UTRN: variants seen among roughly 807,000 people sequenced by gnomAD.
UTRN encodes the protein utrophin, also known as dystrophin-related protein 1.
UTRN carries 283 observed loss-of-function variants against 463.9 expected under a neutral mutation model. That is an observed-to-expected ratio of 0.61 (90% CI 0.55 to 0.67). UTRN has a LOEUF of 0.67. Among genes scored for constraint, UTRN ranks in the 30% least tolerant of loss-of-function variants. The pLI is 0.00. For missense variants in UTRN, 3,922 were observed against 4,084.3 expected (o/e 0.96, Z 1.08); for synonymous variants, 1,442 against 1,431.5 (o/e 1.01, Z -0.17).
At chr6:144,752,347 A>G (rs919366784) in intron 56 of UTRN, among the ~76,000 whole-genome samples, 1 of 151,518 alleles carries the variant, frequency 6.6e-6, no homozygotes. Context: ...TTTTTCTTCT[A>G]ACTGGTTGCT....
intron 2 of UTRN, among the ~76,000 whole-genome samples, chr6:144,328,166 T>C (rs1776097657): frequency 6.7e-6 from 1 of 149,688 alleles, no homozygotes; most frequent in Non-Finnish European, 1.5e-5. Context: ...TGAGTCTTTC[T>C]AGAAAAAAGG....
At chr6:144,436,164 G>A in intron 10 of UTRN, 26 bp downstream of exon 10, 1 of 1,601,984 alleles carries the variant, frequency 6.2e-7, no homozygotes, top group Non-Finnish European at 8.5e-7. Flanking sequence ...TTCTTAGCAG[G>A]GTGTGTCCCC....
chr6:144,842,413 C>T lies in UTRN; in HGVS notation c.10270+1581C>T, dbSNP rs751569970. Among the ~76,000 whole-genome samples the T allele has an allele frequency of 1.2e-3, 178 of 152,090 alleles. 2 individuals are homozygous for T. The highest frequency in any genetic ancestry group is 3.1e-4 in the Non-Finnish European group (21 of 67,982). On this transcript the variant is annotated intron_variant, in intron 73 of 74. Transcript: ENST00000367545. ...TGATTAACATGGCAAAACCCTATCT[C>T]TACTAAAAATACCAAAAAAATTTTC...
chr6:144,552,517 A>G (rs917423710), intron 48 of UTRN, among the ~76,000 whole-genome samples: 3 of 152,116 alleles, frequency 2.0e-5, no homozygotes, highest in Non-Finnish European at 2.9e-5. Context: ...TTTTTGTCCA[A>G]AACTTCTTTC....
At chr6:144,545,307 C>T (rs182518064) in intron 46 of UTRN, among the ~76,000 whole-genome samples, 105 of 152,178 alleles carry the variant, frequency 6.9e-4, no homozygotes, top group Non-Finnish European at 1.2e-3. Context: ...TTCTTTTAAA[C>T]GAGTTTGATT....
At position 144,580,363 on chromosome 6, in the gene UTRN, A is replaced by G. The variant is rs58370951; in HGVS notation, c.7479+3075A>G. Among the ~76,000 whole-genome samples the G allele has an allele frequency of 2.4e-3, 365 of 152,320 alleles. 2 individuals carry two copies. Among genetic ancestry groups the G allele is most frequent in the African/African-American group, 8.2e-3 (340 of 41,560 alleles). Reference sequence around the variant, plus strand: ...CACATTCGCTGTTTATACTTGCTTCATGTCTTATGACAACCAGATCCAAGG... The same window carrying G: ...CACATTCGCTGTTTATACTTGCTTCGTGTCTTATGACAACCAGATCCAAGG... On this transcript the variant is annotated intron_variant, in intron 51 of 74. Transcript: ENST00000367545.
intron 32 of UTRN, among the ~76,000 whole-genome samples, 189 bp downstream of exon 32, chr6:144,491,291 T>G (rs919338147): frequency 2.0e-5 from 3 of 152,068 alleles, no homozygotes; most frequent in African/African-American, 7.2e-5. Context: ...TTAGAAGAGA[T>G]AAGAGAGATA....
chr6:144,850,115 T>C (rs570770490), intron 74 of UTRN, among the ~76,000 whole-genome samples: 1 of 152,284 alleles, frequency 6.6e-6, no homozygotes, highest in East Asian at 1.9e-4. Context: ...ATGTTCAAAA[T>C]GGAGAAGCAA....
In UTRN at chr6:144,806,626, A is replaced by G. The variant is rs1455987094; in HGVS notation, c.9357+3479A>G. ...ACAGAGAAAGATGCATCTCTTTACA[A>G]CTAAACTAATCAGACCTATTCCAAC... On this transcript the variant is annotated intron_variant, in intron 65 of 74. Transcript: ENST00000367545. Among the ~76,000 whole-genome samples, 2 of 102,880 alleles carry G rather than the reference A, an allele frequency of 1.9e-5. 1 individual carries two copies. The highest frequency in any genetic ancestry group is 6.6e-4 in the East Asian group (2 of 3,036). The allele number at this position is 102,880 out of a possible 152,430, so 67.5% of individuals were successfully genotyped here. A position where few individuals can be genotyped will look rare whatever the true frequency, so the allele number is the denominator to read the frequency against.
intron 2 of UTRN, among the ~76,000 whole-genome samples, chr6:144,388,229 T>A (rs1781578839): frequency 1.3e-5 from 2 of 152,196 alleles, no homozygotes; most frequent in South Asian, 2.1e-4. Flanking sequence ...TTTAATGACC[T>A]GCTTTATTAC....
In UTRN at chr6:144,460,885, G is replaced by C. The variant is rs543537341; in HGVS notation, c.2708-312G>C. ...TATTCTTTGTGTAGCTGTTAAGGAAGAGGAGATTATATGGAACAAAAGGGA... is the reference window on the plus strand; with the variant it reads ...TATTCTTTGTGTAGCTGTTAAGGAACAGGAGATTATATGGAACAAAAGGGA... On this transcript the variant is annotated intron_variant, in intron 21 of 74. Coordinates refer to ENST00000367545, the MANE Select transcript of UTRN (RefSeq NM_007124.3). Among the ~76,000 whole-genome samples the C allele has an allele frequency of 1.1e-4, 17 of 152,328 alleles. 1 individual carries two copies. In the South Asian group the frequency reaches 3.3e-3, roughly 30 times the overall value.
chr6:144,363,810 G>A (rs1364147809), intron 2 of UTRN, among the ~76,000 whole-genome samples: 1 of 152,112 alleles, frequency 6.6e-6, no homozygotes, highest in Non-Finnish European at 1.5e-5. Flanking sequence ...TGTTGGGGCT[G>A]GAGGAAAATG....
At position 144,675,513 on chromosome 6, in the gene UTRN, G is replaced by T. The variant is rs1273064312; in HGVS notation, c.7480-2893G>T. On this transcript the variant is annotated intron_variant, in intron 51 of 74. Transcript: ENST00000367545. Reference sequence around the variant, plus strand: ...TGATGTGTGGTAAGCAGTGGAATTAGCTGTTGTTTTCTCCTTCTTTGGAGC... The same window carrying T: ...TGATGTGTGGTAAGCAGTGGAATTATCTGTTGTTTTCTCCTTCTTTGGAGC... 2.0e-5 allele frequency among the ~76,000 whole-genome samples: 3 copies of T among 152,180 alleles called. No homozygotes were observed. The East Asian group carries it at 5.8e-4, about 29-fold the overall frequency.
In UTRN at chr6:144,478,564, G is replaced by T. The variant is rs75330201; in HGVS notation, c.3337-1248G>T. On this transcript the variant is annotated intron_variant, in intron 25 of 74. Coordinates refer to ENST00000367545, the MANE Select transcript of UTRN (RefSeq NM_007124.3). ...ACCCTGTGGGGACAGTGGAAGAAAA[G>T]CTCTTGTTTGGTCCTGTCTATTTTT... Among the ~76,000 whole-genome samples, 364 of 152,308 alleles carry T rather than the reference G, an allele frequency of 2.4e-3. 13 individuals are homozygous for T. The East Asian group carries it at 0.057, about 24-fold the overall frequency.
intron 65 of UTRN, among the ~76,000 whole-genome samples, chr6:144,811,739 T>TA (rs5880615): frequency 0.39 from 58,225 of 147,802 alleles, 14,499 homozygotes; most frequent in African/African-American, 0.71. Context: ...GTTTTATAGT[T>TA]AAAAAAAAAA....
intron 74 of UTRN, among the ~76,000 whole-genome samples, chr6:144,848,781 T>C (rs1782236342): frequency 6.6e-6 from 1 of 152,128 alleles, no homozygotes; most frequent in African/African-American, 2.4e-5. Flanking sequence ...TTGAAATCAC[T>C]AACATTTAAA....
At chr6:144,740,500 G>C (rs1347284676) in intron 54 of UTRN, among the ~76,000 whole-genome samples, 1 of 152,132 alleles carries the variant, frequency 6.6e-6, no homozygotes, top group African/African-American at 2.4e-5. Context: ...CAGGCCTATA[G>C]ACCACGACAA....
intron 23 of UTRN, among the ~76,000 whole-genome samples, chr6:144,467,472 C>T (rs545881348): frequency 9.2e-5 from 14 of 152,276 alleles, no homozygotes; most frequent in African/African-American, 2.6e-4. Flanking sequence ...TTGATGTGTC[C>T]GGCCTCTCTA....
At chr6:144,832,611 C>G (rs1780761906) in intron 69 of UTRN, among the ~76,000 whole-genome samples, 1 of 152,140 alleles carries the variant, frequency 6.6e-6, no homozygotes, top group South Asian at 2.1e-4. Flanking sequence ...GGCTTGTGAT[C>G]TTGGAGGAAC....
Sources: allele counts gnomAD v4.1 joint callset (sites outside exome capture counted in the v4.1 genomes callset), GRCh38; gene constraint gnomAD v4.1.1; transcripts MANE v1.5; gene names NCBI Gene and HGNC (gene_info 2026-07-23, HGNC 2026-07-21).